IL1RAPL2: variants seen among roughly 807,000 people sequenced by gnomAD.
IL1RAPL2 encodes the protein interleukin 1 receptor accessory protein like 2.
A neutral mutation model predicts 44.1 loss-of-function variants in IL1RAPL2; 3 were observed. That is an observed-to-expected ratio of 0.07 (90% CI 0.03 to 0.18). The LOEUF (loss-of-function observed/expected upper bound fraction) is 0.18, where lower values mean the gene tolerates loss of function less well. Among genes scored for constraint, IL1RAPL2 ranks in the 10% least tolerant of loss-of-function variants. The probability of loss-of-function intolerance (pLI) is 1.00; values close to 1 mark genes in which losing one functional copy is unlikely to be tolerated. For synonymous variants in IL1RAPL2, 181 were observed against 178.8 expected, an observed-to-expected ratio of 1.01 and a Z score of -0.10; for missense variants, 391 against 496.4, an observed-to-expected ratio of 0.79 and a Z score of 2.02.
At chrX:104,812,360 A>G (rs1297664681) in intron 2 of IL1RAPL2, among the ~76,000 whole-genome samples, 1 of 111,169 alleles carries the variant, frequency 9.0e-6, no homozygotes, top group Non-Finnish European at 1.9e-5. Flanking sequence ...TTGGAAAAAA[A>G]TGCAACTGAC....
At chrX:105,133,490 G>A (rs2033048027) in intron 2 of IL1RAPL2, among the ~76,000 whole-genome samples, 1 of 111,336 alleles carries the variant, frequency 9.0e-6, no homozygotes, top group Admixed American at 9.5e-5. Flanking sequence ...CATCTGATGT[G>A]TGTGTGTGCA....
chrX:104,793,736 C>T (rs933764801), intron 2 of IL1RAPL2, among the ~76,000 whole-genome samples: 2 of 111,141 alleles, frequency 1.8e-5, no homozygotes, highest in Non-Finnish European at 3.8e-5. Flanking sequence ...TTTGGATTTT[C>T]GAAACAACAC....
intron 2 of IL1RAPL2, among the ~76,000 whole-genome samples, chrX:104,685,908 A>G (rs1362297421): frequency 9.1e-6 from 1 of 109,738 alleles, no homozygotes; most frequent in African/African-American, 3.3e-5. Context: ...AGCCTGGGCA[A>G]CAGAGTGAGA....
chrX:104,681,243 A>G (rs987096561), intron 2 of IL1RAPL2, among the ~76,000 whole-genome samples: 1 of 112,503 alleles, frequency 8.9e-6, no homozygotes, highest in African/African-American at 3.2e-5. Flanking sequence ...CACTTAATTT[A>G]TAACATCAAA....
chrX:104,903,738 T>A (rs1269605587), intron 2 of IL1RAPL2, among the ~76,000 whole-genome samples: 3 of 109,831 alleles, frequency 2.7e-5, no homozygotes, highest in African/African-American at 9.9e-5. Flanking sequence ...TCACCATGCC[T>A]GGCTAATTTT....
intron 2 of IL1RAPL2, among the ~76,000 whole-genome samples, chrX:104,894,118 C>T (rs1048348561): frequency 8.9e-6 from 1 of 112,078 alleles, no homozygotes; most frequent in East Asian, 2.8e-4. Flanking sequence ...TTGGCCACCA[C>T]TCTCTTCTGG....
At chrX:104,605,565 C>T (rs1356423828) in intron 1 of IL1RAPL2, among the ~76,000 whole-genome samples, 1 of 111,544 alleles carries the variant, frequency 9.0e-6, no homozygotes, top group African/African-American at 3.3e-5. Flanking sequence ...AATAGATAGA[C>T]TGCTAGCCAG....
chrX:105,674,409 C>CA (rs777432707), intron 6 of IL1RAPL2, among the ~76,000 whole-genome samples: 1 of 111,931 alleles, frequency 8.9e-6, no homozygotes, highest in African/African-American at 3.2e-5. Flanking sequence ...CTCCCAGCAC[C>CA]ATTTATTAAA....
chrX:105,021,383 A>G (rs772689881), intron 2 of IL1RAPL2, among the ~76,000 whole-genome samples: 1 of 111,309 alleles, frequency 9.0e-6, no homozygotes, highest in Non-Finnish European at 1.9e-5. Flanking sequence ...AAAAGAGATC[A>G]GTGAGATGGA....
chrX:105,363,056 T>C (rs1451684259), intron 5 of IL1RAPL2, among the ~76,000 whole-genome samples: 4 of 107,676 alleles, frequency 3.7e-5, no homozygotes, highest in African/African-American at 6.7e-5. Flanking sequence ...CACCTTTCTA[T>C]TCTCTGTTTC....
chrX:104,926,696 T>C (rs1352723791), intron 2 of IL1RAPL2, among the ~76,000 whole-genome samples: 3 of 112,244 alleles, frequency 2.7e-5, no homozygotes, highest in Non-Finnish European at 3.8e-5. Flanking sequence ...TTTTCAGACC[T>C]GTAAGCCCTC....
chrX:105,155,926 C>T (rs148939463), intron 2 of IL1RAPL2, among the ~76,000 whole-genome samples: 1,533 of 111,094 alleles, frequency 0.014, 4 homozygotes, highest in Non-Finnish European at 0.022. Context: ...CTTGTCCCAA[C>T]GGAGCACTGT....
intron 6 of IL1RAPL2, among the ~76,000 whole-genome samples, chrX:105,707,909 A>G (rs1602532508): frequency 1.8e-5 from 2 of 111,287 alleles, no homozygotes; most frequent in African/African-American, 6.5e-5. Context: ...CACTTGAGCT[A>G]TATTTTGATG....
At chrX:105,001,166 C>A (rs751449409) in intron 2 of IL1RAPL2, among the ~76,000 whole-genome samples, 1 of 111,685 alleles carries the variant, frequency 9.0e-6, no homozygotes, top group Admixed American at 9.5e-5. Flanking sequence ...TCTGGAACTG[C>A]CAGCTAACCT....
At chrX:104,690,736 T>A (rs745693123) in intron 2 of IL1RAPL2, among the ~76,000 whole-genome samples, 50 of 112,399 alleles carry the variant, frequency 4.4e-4, no homozygotes, top group South Asian at 1.1e-3. Context: ...AACAGCCAGA[T>A]GAGGTGTTTA....
At chrX:104,814,881 G>A (rs1292929034) in intron 2 of IL1RAPL2, among the ~76,000 whole-genome samples, 2 of 111,988 alleles carry the variant, frequency 1.8e-5, no homozygotes, top group African/African-American at 6.5e-5. Flanking sequence ...AGGAAGAGAG[G>A]ACAATAATAG....
At chrX:104,747,579 A>C (rs1362757335) in intron 2 of IL1RAPL2, among the ~76,000 whole-genome samples, 2 of 111,170 alleles carry the variant, frequency 1.8e-5, no homozygotes, top group African/African-American at 3.3e-5. Flanking sequence ...TAGACTAAGA[A>C]AACTGACTTA....
At chrX:105,674,931 G>T (rs751787922) in intron 6 of IL1RAPL2, among the ~76,000 whole-genome samples, 2 of 110,236 alleles carry the variant, frequency 1.8e-5, no homozygotes, top group East Asian at 2.9e-4. Context: ...AATTGCGAAG[G>T]GGGGGTTCCT....
intron 1 of IL1RAPL2, among the ~76,000 whole-genome samples, chrX:104,620,101 G>A (rs1483460479): frequency 2.7e-5 from 3 of 111,297 alleles, no homozygotes; most frequent in Non-Finnish European, 3.8e-5. Context: ...GAGTTTGGCT[G>A]GAAGTAAGAT....
Sources: gnomAD v4.1 joint callset for allele counts (sites outside exome capture counted in the v4.1 genomes callset) on GRCh38, gnomAD v4.1.1 for gene constraint, MANE v1.5 for transcripts, NCBI Gene and HGNC (gene_info 2026-07-23, HGNC 2026-07-21) for gene names.